DENND3: variants seen among roughly 807,000 people sequenced by gnomAD.
DENND3 encodes the protein DENN domain-containing protein 3.
A neutral mutation model predicts 135.1 loss-of-function variants in DENND3; 88 were observed. That is an observed-to-expected ratio of 0.65 (90% confidence interval 0.55 to 0.78). The LOEUF (loss-of-function observed/expected upper bound fraction) is 0.78. DENND3 is among the 30% of genes least tolerant of loss of function. DENND3 has a pLI of 0.00. For missense variants in DENND3, 1,392 were observed against 1,688.4 expected (o/e 0.82, Z 3.08); for synonymous variants, 693 against 712.3 (o/e 0.97, Z 0.43).
chr8:141,145,890 C>A (rs1818067354), intron 5 of DENND3, among the ~76,000 whole-genome samples: 1 of 132,228 alleles, frequency 7.6e-6, no homozygotes, highest in Non-Finnish European at 1.6e-5. Flanking sequence ...GCTCTGTTAC[C>A]CAGGCTGGAG....
chr8:141,160,239 C>T (rs1819969123), intron 8 of DENND3, among the ~76,000 whole-genome samples: 1 of 150,824 alleles, frequency 6.6e-6, no homozygotes, highest in Non-Finnish European at 1.5e-5. Context: ...AGTGCAGCGG[C>T]ACTATCTCGG....
chr8:141,166,158 A>C lies in DENND3; in HGVS notation c.1554-32A>C. On this transcript the variant is annotated intron_variant, in intron 11 of 22. Coordinates refer to ENST00000519811, the MANE Select transcript of DENND3 (RefSeq NM_001352890.3). The surrounding 1 kb of genome is among the most constrained non-coding windows in gnomAD (Gnocchi z 4.3). ...TTATTCTTCAATCATTATTGTGTCT[A>C]TAAACTAACGCGTTGCTTTTTCGTA... is the stretch of plus-strand genomic sequence containing the variant. The C allele has an allele frequency of 1.2e-6, 2 of 1,602,438 alleles. 1 individual carries two copies.
chr8:141,165,637 GTA>G (rs1478127413), intron 11 of DENND3, among the ~76,000 whole-genome samples: 3 of 151,946 alleles, frequency 2.0e-5, no homozygotes, highest in Non-Finnish European at 4.4e-5. Context: ...GCTAATTTTT[GTA>G]TTTTTGTAAA....
At position 141,176,821 on chromosome 8, in the gene DENND3, C is replaced by T. The variant is rs1822433011; in HGVS notation, c.2706+60C>T. The T allele has an allele frequency of 3.2e-6, 5 of 1,575,512 alleles. No individual in the cohort carries two copies. In the Admixed American group the frequency reaches 5.2e-5, roughly 16 times the overall value. ...GGCTGCCTCAGGGGCCTCTCGCCAC[C>T]TGTGGGTCCTGTGGCAGTCCTCAGC... is the stretch of plus-strand genomic sequence containing the variant. On this transcript the variant is annotated intron_variant, in intron 15 of 22. Coordinates refer to ENST00000519811, the MANE Select transcript of DENND3 (RefSeq NM_001352890.3).
intron 5 of DENND3, among the ~76,000 whole-genome samples, chr8:141,145,442 C>A (rs927462448): frequency 1.6e-4 from 24 of 152,200 alleles, no homozygotes; most frequent in African/African-American, 5.5e-4. Flanking sequence ...ACCCGGCCCT[C>A]TGGGGACCAC....
chr8:141,168,221 C>G lies in DENND3; in HGVS notation c.1971C>G (p.Leu657=). 6.2e-7 allele frequency: 1 copy of G among 1,614,202 alleles called. No homozygotes were observed. The change falls in exon 13 of 23, where the codon CTC becomes CTG. Residue 657 remains leucine (L), a synonymous_variant. Coordinates refer to ENST00000519811, the MANE Select transcript of DENND3 (RefSeq NM_001352890.3). This position sits in a 1 kb window ranked among gnomAD's most constrained non-coding sequence, Gnocchi z 6.2. ...YLMQGQLLNA[L]LDFQNLYKTD... is the part of the protein sequence containing the mutation. ...TGCAGGGACAGCTGCTGAACGCCCTCTTGGACTTCCAGAATCTGTATAAAA... is the reference window on the plus strand; with the variant it reads ...TGCAGGGACAGCTGCTGAACGCCCTGTTGGACTTCCAGAATCTGTATAAAA...
chr8:141,195,015 C>G lies in DENND3; in HGVS notation c.*782C>G, dbSNP rs1375229163. Reference sequence around the variant, plus strand: ...AAAGTAAAATAGCATCATGTGTGATCTCGTCTTCCAGCGTGCCGCTCAGTT... The same window carrying G: ...AAAGTAAAATAGCATCATGTGTGATGTCGTCTTCCAGCGTGCCGCTCAGTT... On this transcript the variant is annotated 3_prime_UTR_variant, in exon 23 of 23. Transcript: ENST00000519811. The G allele has an allele frequency of 6.6e-6, 1 of 151,954 alleles. No homozygotes were observed. The highest frequency in any genetic ancestry group is 1.5e-5 in the Non-Finnish European group (1 of 67,978). The allele number at this position is 151,954 out of a possible 1,614,324, so 9.4% of individuals were successfully genotyped here. A position where few individuals can be genotyped will look rare whatever the true frequency, so the allele number is the denominator to read the frequency against.
rs201413933 is a variant in DENND3 at position 141,168,374 on chromosome 8, G to A, written c.2124G>A (p.Pro708=). The change falls in exon 13 of 23, where the codon CCG becomes CCA. Residue 708 remains proline (P), a synonymous_variant. Coordinates refer to ENST00000519811, the MANE Select transcript of DENND3 (RefSeq NM_001352890.3). This position sits in a 1 kb window ranked among gnomAD's most constrained non-coding sequence, Gnocchi z 6.2. ...MRLISEILDK[P]HEASKLDDHV... ...TCATCAGCGAGATCCTGGACAAGCCGCACGAGGCCTCGAAGCTGGACGACC... is the reference window on the plus strand; with the variant it reads ...TCATCAGCGAGATCCTGGACAAGCCACACGAGGCCTCGAAGCTGGACGACC... 48 of 1,613,900 alleles carry A rather than the reference G, an allele frequency of 3.0e-5. No individual in the cohort carries two copies. In the East Asian group the frequency reaches 5.1e-4, roughly 17 times the overall value.
At chr8:141,151,963 G>C (rs574676483) in intron 7 of DENND3, 126 bp downstream of exon 7, 1 of 1,183,610 alleles carries the variant, frequency 8.4e-7, no homozygotes, top group African/African-American at 1.5e-5. Flanking sequence ...GAGAGGTCAC[G>C]GGTACCGTGA....
chr8:141,150,881 C>A lies in DENND3; in HGVS notation c.783C>A (p.Asp261Glu). 6.2e-7 allele frequency: 1 copy of A among 1,609,998 alleles called. No individual in the cohort carries two copies. The highest frequency in any genetic ancestry group is 8.5e-7 in the Non-Finnish European group (1 of 1,179,028). Residue 261 changes from aspartate to glutamate, a missense_variant, in exon 6 of 23, where the codon GAC becomes GAA. Transcript: ENST00000519811. ...AGATTGTGTTACCTGCCCGAGCAGA[C>A]CCCGAAAGCCCCATCCTGGACCTGG... ...SLQIVLPARADPESPILDLDL... is the reference protein window; with the variant it reads ...SLQIVLPARAEPESPILDLDL...
At chr8:141,157,746 A>G (rs1819616480) in intron 8 of DENND3, 1 of 979,798 alleles carries the variant, frequency 1.0e-6, no homozygotes, top group Non-Finnish European at 1.2e-6. Context: ...AAAAATGTTT[A>G]GGAAAACTAC....
At chr8:141,178,826 G>A (rs925416142) in intron 16 of DENND3, among the ~76,000 whole-genome samples, 69 of 152,084 alleles carry the variant, frequency 4.5e-4, no homozygotes, top group African/African-American at 1.6e-3. Context: ...TTTTTTTCTT[G>A]TGAAAGGTGA....
chr8:141,137,970 C>A lies in DENND3; in HGVS notation c.386-52C>A, dbSNP rs577463538. 4.4e-5 allele frequency: 68 copies of A among 1,545,860 alleles called. No homozygotes were observed. The highest frequency in any genetic ancestry group is 5.4e-5 in the Non-Finnish European group (62 of 1,141,238). The stretch of plus-strand genomic sequence containing the variant: ...TGTGAAGAAATCAGCTCGTGGGTAA[C>A]CCAGGCCACTTGGCAAGAACAGGAT... On this transcript the variant is annotated intron_variant, in intron 2 of 22. Coordinates refer to ENST00000519811, the MANE Select transcript of DENND3 (RefSeq NM_001352890.3). The surrounding 1 kb of genome is among the most constrained non-coding windows in gnomAD (Gnocchi z 4.1).
intron 20 of DENND3, chr8:141,190,633 G>A (rs1569557143): frequency 9.8e-6 from 6 of 610,058 alleles, no homozygotes; most frequent in East Asian, 3.5e-5. Flanking sequence ...TCTACCCAGC[G>A]GCTGACGGGA....
At chr8:141,157,478 C>T (rs909406040) in intron 8 of DENND3, 7 of 985,524 alleles carry the variant, frequency 7.1e-6, no homozygotes, top group African/African-American at 5.2e-5. Flanking sequence ...GCCCTGAGTG[C>T]GGTCGTGGAG....
At position 141,194,307 on chromosome 8, in the gene DENND3, C is replaced by G; in HGVS notation, c.*74C>G. ...GCTGCCCCCTAGAGCCTGCCAGGAGCAGAAGCCTGGAGGGGTGGCAGGGCA... is the reference window on the plus strand; with the variant it reads ...GCTGCCCCCTAGAGCCTGCCAGGAGGAGAAGCCTGGAGGGGTGGCAGGGCA... On this transcript the variant is annotated 3_prime_UTR_variant, in exon 23 of 23. Coordinates refer to ENST00000519811, the MANE Select transcript of DENND3 (RefSeq NM_001352890.3). 2.0e-6 allele frequency: 3 copies of G among 1,538,016 alleles called. No individual in the cohort carries two copies. The highest frequency in any genetic ancestry group is 2.6e-6 in the Non-Finnish European group (3 of 1,134,788).
In DENND3 at chr8:141,178,161, C is replaced by T. The variant is rs767186988; in HGVS notation, c.2801C>T (p.Ser934Phe). The T allele has an allele frequency of 1.2e-6, 2 of 1,613,198 alleles. No homozygotes were observed. Among genetic ancestry groups the T allele is most frequent in the South Asian group, 2.2e-5 (2 of 91,060 alleles). ...TCACCAGGCGCCATCTACGCTGCCTCCAAGTTATCCTACTTTGATAAGATG... is the reference window on the plus strand; with the variant it reads ...TCACCAGGCGCCATCTACGCTGCCTTCAAGTTATCCTACTTTGATAAGATG... ...LQSPGAIYAA[S>F]KLSYFDKMSN... Residue 934 changes from serine to phenylalanine, a missense_variant, in exon 16 of 23, where the codon TCC (serine) becomes TTC (phenylalanine). By Grantham distance (155) the Ser-to-Phe change is radical. Coordinates refer to ENST00000519811, the MANE Select transcript of DENND3 (RefSeq NM_001352890.3).
At chr8:141,152,343 A>G (rs1270004780) in intron 7 of DENND3, among the ~76,000 whole-genome samples, 1 of 152,190 alleles carries the variant, frequency 6.6e-6, no homozygotes, top group Non-Finnish European at 1.5e-5. Flanking sequence ...GAGTTGTGCA[A>G]TCATCCGCCG....
intron 17 of DENND3, among the ~76,000 whole-genome samples, chr8:141,183,852 G>A (rs1033875737): frequency 2.0e-5 from 3 of 152,094 alleles, no homozygotes; most frequent in Non-Finnish European, 4.4e-5. Flanking sequence ...TGGCGGGGGT[G>A]CAGGTGTTGA....
Sources: allele counts gnomAD v4.1 joint callset (sites outside exome capture counted in the v4.1 genomes callset), GRCh38; gene constraint gnomAD v4.1.1; non-coding constraint Gnocchi (gnomAD v3.1); transcripts MANE v1.5; gene names NCBI Gene and HGNC (gene_info 2026-07-23, HGNC 2026-07-21).